Variants in PGM2L1 observed in about 807,000 individuals in gnomAD.
The protein encoded by PGM2L1 is glucose 1,6-bisphosphate synthase.
A neutral mutation model predicts 73.4 loss-of-function variants in PGM2L1; 35 were observed. That is an observed-to-expected ratio of 0.48 (90% CI 0.36 to 0.63). The LOEUF is 0.63. Among genes scored for constraint, PGM2L1 ranks in the 30% least tolerant of loss-of-function variants. The pLI is 0.00. For synonymous variants in PGM2L1, 225 were observed against 253.8 expected, an observed-to-expected ratio of 0.89 and a Z score of 1.08; for missense variants, 570 against 742.0, an observed-to-expected ratio of 0.77 and a Z score of 2.69.
At chr11:74,344,195 C>T (rs1862228772) in intron 9 of PGM2L1, among the ~76,000 whole-genome samples, 1 of 152,080 alleles carries the variant, frequency 6.6e-6, no homozygotes, top group African/African-American at 2.4e-5. Flanking sequence ...TTTCAAGTTT[C>T]TGCTTCTCAG....
Position 74,398,297 on chromosome 11 carries a change from C to T in PGM2L1, c.-136G>A, listed in dbSNP as rs904155. 1,321,293 of 1,321,298 alleles carry T rather than the reference C, an allele frequency of 1. 660,644 individuals carry two copies. Among genetic ancestry groups the T allele is most frequent in the Middle Eastern group, 1 (4,406 of 4,406 alleles). 81.8% of individuals were successfully genotyped at this position (1,321,298 alleles called of 1,614,324 possible). A position where few individuals can be genotyped will look rare whatever the true frequency, so the allele number is the denominator to read the frequency against. On this transcript the variant is annotated 5_prime_UTR_variant, in exon 1 of 14. Coordinates refer to ENST00000298198, the MANE Select transcript of PGM2L1 (RefSeq NM_173582.6). ...CATCGGAGACCAACCGCAGGGTGTTCGTAACAGCTCCTGCCGCGGCGTCAG... is the reference window on the plus strand; with the variant it reads ...CATCGGAGACCAACCGCAGGGTGTTTGTAACAGCTCCTGCCGCGGCGTCAG...
rs746952002 is a variant in PGM2L1 at position 74,351,521 on chromosome 11, T to C, written c.611A>G (p.Lys204Arg). ...GGGTTCCACACATTCTTCTATACAT[T>C]TTAGAATTTCTTTATCATGAGGAGA... Reference protein sequence around the residue: ...ITSPHDKEILKCIEECVEPWN... With the variant: ...ITSPHDKEILRCIEECVEPWN... The change falls in exon 6 of 14, where the codon AAA becomes AGA. Residue 204 changes from lysine to arginine, a missense_variant. Coordinates refer to ENST00000298198, the MANE Select transcript of PGM2L1 (RefSeq NM_173582.6). 6.8e-6 allele frequency: 11 copies of C among 1,613,230 alleles called. No individual in the cohort carries two copies. The highest frequency in any genetic ancestry group is 9.3e-6 in the Non-Finnish European group (11 of 1,179,728).
chr11:74,371,688 C>A, intron 3 of PGM2L1, 23 bp downstream of exon 3: 1 of 1,582,754 alleles, frequency 6.3e-7, no homozygotes, highest in Non-Finnish European at 8.7e-7. Flanking sequence ...TCAACTTAAT[C>A]TTTGAAACAA....
chr11:74,379,141 C>T (rs1280643391), intron 1 of PGM2L1, among the ~76,000 whole-genome samples: 1 of 152,136 alleles, frequency 6.6e-6, no homozygotes, highest in Non-Finnish European at 1.5e-5. Context: ...AAGCACAGCA[C>T]CAGCATCTGC....
At chr11:74,370,453 T>A (rs1215019456) in intron 4 of PGM2L1, among the ~76,000 whole-genome samples, 2 of 152,208 alleles carry the variant, frequency 1.3e-5, no homozygotes, top group African/African-American at 4.8e-5. Context: ...TTTTATTGCA[T>A]GGGATCCAGG....
chr11:74,352,312 AGTT>A (rs1289477380), intron 5 of PGM2L1, among the ~76,000 whole-genome samples: 7 of 152,182 alleles, frequency 4.6e-5, no homozygotes, highest in African/African-American at 1.7e-4. Flanking sequence ...ATTATAAAGT[AGTT>A]ATGTGATATA....
chr11:74,343,390 A>G lies in PGM2L1; in HGVS notation c.1245T>C (p.Ile415=), dbSNP rs747900971. Residue 415 remains isoleucine (I), a synonymous_variant, in exon 10 of 14, where the codon ATT becomes ATC. Transcript: ENST00000298198. ...FEETLPGFKW[I]GSRIIDLLEN... is the part of the protein sequence containing the mutation. ...CCAGGAGGTCTATTATCCTACTTCC[A>G]ATCCATTTAAAACCTGGTAATGTTT... The G allele has an allele frequency of 9.3e-6, 15 of 1,609,646 alleles. No homozygotes were observed. Among genetic ancestry groups the G allele is most frequent in the Non-Finnish European group, 1.3e-5 (15 of 1,178,924 alleles).
intron 1 of PGM2L1, among the ~76,000 whole-genome samples, chr11:74,388,745 A>G (rs1442899168): frequency 6.6e-6 from 1 of 152,174 alleles, no homozygotes; most frequent in Non-Finnish European, 1.5e-5. Flanking sequence ...CTCCTCATTA[A>G]ATGACTTGGT....
intron 5 of PGM2L1, among the ~76,000 whole-genome samples, chr11:74,365,235 A>C (rs1295856801): frequency 2.0e-5 from 3 of 151,970 alleles, no homozygotes; most frequent in Admixed American, 6.6e-5. Context: ...TAAAGACTTA[A>C]ATGTTAGACC....
intron 1 of PGM2L1, among the ~76,000 whole-genome samples, chr11:74,375,469 TA>T (rs1862841007): frequency 6.6e-6 from 1 of 152,146 alleles, no homozygotes; most frequent in African/African-American, 2.4e-5. Flanking sequence ...ATTAAGGAAA[TA>T]AGATGAAACA....
At chr11:74,338,432 C>G (rs758443206) in intron 13 of PGM2L1, 36 bp downstream of exon 13, 8 of 1,482,856 alleles carry the variant, frequency 5.4e-6, no homozygotes, top group African/African-American at 4.1e-5. Context: ...TTCAATAAAG[C>G]TTTTGTATGT....
At chr11:74,347,615 A>G (rs1862288391) in intron 6 of PGM2L1, among the ~76,000 whole-genome samples, 2 of 152,184 alleles carry the variant, frequency 1.3e-5, no homozygotes, top group South Asian at 4.1e-4. Flanking sequence ...GTATCATCTA[A>G]GTAAATATTA....
intron 5 of PGM2L1, among the ~76,000 whole-genome samples, chr11:74,365,075 T>A (rs1451054006): frequency 1.3e-5 from 2 of 150,640 alleles, no homozygotes; most frequent in African/African-American, 4.9e-5. Flanking sequence ...TCTACAACCA[T>A]CTGATCTTTG....
Position 74,354,698 on chromosome 11 carries a change from C to T in PGM2L1, c.556-3122G>A, listed in dbSNP as rs569979909. 1.5e-4 allele frequency: 159 copies of T among 1,087,730 alleles called. 2 individuals are homozygous for T. In the Middle Eastern group the frequency reaches 2.0e-3, roughly 14 times the overall value. The allele number at this position is 1,087,730 out of a possible 1,614,324, so 67.4% of individuals were successfully genotyped here. On this transcript the variant is annotated intron_variant, in intron 5 of 13. Transcript: ENST00000298198. Reference sequence around the variant, plus strand: ...AAGGTGGATGGAAGAGTTGTGGAACCAAAGAGAGCTGTTTCAAGAGAAAAT... The same window carrying T: ...AAGGTGGATGGAAGAGTTGTGGAACTAAAGAGAGCTGTTTCAAGAGAAAAT...
intron 2 of PGM2L1, among the ~76,000 whole-genome samples, 179 bp from the exon 3 acceptor site, chr11:74,371,996 A>C (rs1289104052): frequency 2.0e-5 from 3 of 152,164 alleles, no homozygotes. Flanking sequence ...ATGTAAGATG[A>C]CAAACATGTC....
Position 74,336,509 on chromosome 11 carries a change from G to T in PGM2L1, c.*143C>A. On this transcript the variant is annotated 3_prime_UTR_variant, in exon 14 of 14. Coordinates refer to ENST00000298198, the MANE Select transcript of PGM2L1 (RefSeq NM_173582.6). ...TATACTTTGTTTAGTCTAGCCAGTT[G>T]ACCAAAAAGAAAGAAAATAAAAGGA... 2.1e-6 allele frequency: 1 copy of T among 467,366 alleles called. No homozygotes were observed. The highest frequency in any genetic ancestry group is 3.7e-6 in the Non-Finnish European group (1 of 270,330). The allele number at this position is 467,366 out of a possible 1,614,324, so 29.0% of individuals were successfully genotyped here.
At chr11:74,387,596 T>G (rs1863035459) in intron 1 of PGM2L1, among the ~76,000 whole-genome samples, 1 of 152,146 alleles carries the variant, frequency 6.6e-6, no homozygotes. Flanking sequence ...ATTTTCCATT[T>G]TATGATTCTA....
intron 1 of PGM2L1, among the ~76,000 whole-genome samples, chr11:74,394,764 A>T (rs1047937940): frequency 5.3e-5 from 8 of 152,212 alleles, no homozygotes; most frequent in African/African-American, 1.9e-4. Context: ...ACATTTTTTC[A>T]TAAAGACTTT....
At chr11:74,393,435 GATGACTTAAAA>G (rs1863131861) in intron 1 of PGM2L1, among the ~76,000 whole-genome samples, 1 of 152,076 alleles carries the variant, frequency 6.6e-6, no homozygotes, top group Non-Finnish European at 1.5e-5. Context: ...ATCACATAAT[GATGACTTAAAA>G]GGAAATTCAC....
Sources: allele counts gnomAD v4.1 joint callset (sites outside exome capture counted in the v4.1 genomes callset), GRCh38; gene constraint gnomAD v4.1.1; transcripts MANE v1.5; gene names NCBI Gene and HGNC (gene_info 2026-07-23, HGNC 2026-07-21).